NALF1: variants seen among roughly 807,000 people sequenced by gnomAD.
The protein encoded by NALF1 is family with sequence similarity 155 member A.
In NALF1, 3 loss-of-function variants were observed where a neutral mutation model predicts 48.4. The ratio of observed to expected loss-of-function variants is 0.06; its 90% CI spans 0.03 to 0.16. NALF1 has a LOEUF of 0.16. Ranked by LOEUF, NALF1 falls within the 10% of genes least tolerant of loss-of-function variation. The pLI is 1.00. For missense variants in NALF1, 526 were observed against 571.5 expected (o/e 0.92, Z 0.81); for synonymous variants, 262 against 245.7 (o/e 1.07, Z -0.62).
intron 1 of NALF1, among the ~76,000 whole-genome samples, chr13:107,698,886 G>A (rs545109834): frequency 6.6e-6 from 1 of 152,220 alleles, no homozygotes; most frequent in South Asian, 2.1e-4. Context: ...AGTGGTGACA[G>A]ACATCTAGGG....
At chr13:107,791,354 T>C (rs1370991987) in intron 1 of NALF1, among the ~76,000 whole-genome samples, 1 of 152,154 alleles carries the variant, frequency 6.6e-6, no homozygotes, top group Non-Finnish European at 1.5e-5. Context: ...GTCTATCATA[T>C]CTAGCTAGCT....
At chr13:107,492,493 C>T (rs1430453530) in intron 1 of NALF1, among the ~76,000 whole-genome samples, 8 of 152,298 alleles carry the variant, frequency 5.3e-5, no homozygotes, top group Admixed American at 4.6e-4. Flanking sequence ...ATATTCCTTA[C>T]ATTTCTCATT....
chr13:107,775,803 A>G (rs559894068), intron 1 of NALF1, among the ~76,000 whole-genome samples: 123 of 152,108 alleles, frequency 8.1e-4, no homozygotes, highest in African/African-American at 2.8e-3. Flanking sequence ...ACAACAATAT[A>G]GAAAAGTATT....
At chr13:107,331,824 C>T (rs2138924765) in intron 1 of NALF1, among the ~76,000 whole-genome samples, 1 of 151,978 alleles carries the variant, frequency 6.6e-6, no homozygotes, top group Middle Eastern at 3.4e-3. Context: ...AAAAGAGAAT[C>T]AAAATGTTTA....
chr13:107,389,335 G>A (rs1380830706), intron 1 of NALF1, among the ~76,000 whole-genome samples: 1 of 152,152 alleles, frequency 6.6e-6, no homozygotes, highest in Admixed American at 6.5e-5. Flanking sequence ...GGTCTTTACC[G>A]AGGGAATCAA....
chr13:107,240,809 C>T (rs1426144474), intron 1 of NALF1, among the ~76,000 whole-genome samples: 3 of 146,974 alleles, frequency 2.0e-5, no homozygotes, highest in African/African-American at 7.5e-5. Flanking sequence ...GATATTTCAC[C>T]TTTTTTTTTT....
intron 1 of NALF1, among the ~76,000 whole-genome samples, chr13:107,731,520 C>G (rs754933100): frequency 6.6e-6 from 1 of 152,074 alleles, no homozygotes; most frequent in Non-Finnish European, 1.5e-5. Flanking sequence ...TAGTACCCAA[C>G]AGTTATTATT....
intron 1 of NALF1, among the ~76,000 whole-genome samples, chr13:107,271,812 A>ATATATATATT (rs1881178926): frequency 1.7e-5 from 1 of 57,148 alleles, no homozygotes; most frequent in African/African-American, 5.8e-5. Flanking sequence ...ATATATATAT[A>ATATATATATT]TATATTTATA....
intron 1 of NALF1, among the ~76,000 whole-genome samples, chr13:107,827,482 T>C (rs1373906308): frequency 6.6e-6 from 1 of 152,150 alleles, no homozygotes; most frequent in Non-Finnish European, 1.5e-5. Flanking sequence ...ACAGACCCTC[T>C]CCTTGGAGCT....
intron 1 of NALF1, among the ~76,000 whole-genome samples, chr13:107,454,851 G>T (rs1485184052): frequency 6.6e-6 from 1 of 152,118 alleles, no homozygotes; most frequent in African/African-American, 2.4e-5. Flanking sequence ...ATTTAACTGG[G>T]CCCTATAGAC....
chr13:107,865,634 CAG>C (rs1462411629), intron 1 of NALF1, 46 bp downstream of exon 1: 5 of 1,573,368 alleles, frequency 3.2e-6, no homozygotes, highest in Admixed American at 1.9e-5. Flanking sequence ...CCCAACCAAG[CAG>C]AGATAGGAAA....
At position 107,211,196 on chromosome 13, in the gene NALF1, G is replaced by A. The variant is rs559688390; in HGVS notation, c.916-441C>T. Among the ~76,000 whole-genome samples the A allele has an allele frequency of 2.2e-4, 33 of 152,310 alleles. 1 individual carries two copies. Among genetic ancestry groups the A allele is most frequent in the African/African-American group, 7.9e-4 (33 of 41,576 alleles). ...ATGCCTCCATAGGACGCTAGATGGC[G>A]CGAAGCACTTTATAAAGATGGCCCA... On this transcript the variant is annotated intron_variant, in intron 1 of 2. Transcript: ENST00000375915.
At chr13:107,571,962 G>A (rs1032575387) in intron 1 of NALF1, among the ~76,000 whole-genome samples, 77 of 151,986 alleles carry the variant, frequency 5.1e-4, no homozygotes, top group African/African-American at 1.8e-3. Flanking sequence ...AAATCATATT[G>A]AGAAACGTGT....
At chr13:107,433,653 A>G (rs9520442) in intron 1 of NALF1, among the ~76,000 whole-genome samples, 43,673 of 151,998 alleles carry the variant, frequency 0.29, 6,777 homozygotes, top group East Asian at 0.59. Flanking sequence ...TATTCTACAC[A>G]TTAAAAAGTT....
chr13:107,586,614 A>G (rs1878463491), intron 1 of NALF1, among the ~76,000 whole-genome samples: 1 of 109,220 alleles, frequency 9.2e-6, no homozygotes, highest in Non-Finnish European at 2.0e-5. Context: ...TCTTGCCTAC[A>G]TTTAAAGCTC....
intron 1 of NALF1, among the ~76,000 whole-genome samples, chr13:107,401,265 C>T (rs1296234517): frequency 6.6e-6 from 1 of 152,050 alleles, no homozygotes; most frequent in Non-Finnish European, 1.5e-5. Context: ...GCTGTCTCAG[C>T]GATCTGATTG....
chr13:107,230,812 C>T (rs1371513279), intron 1 of NALF1, among the ~76,000 whole-genome samples: 1 of 152,048 alleles, frequency 6.6e-6, no homozygotes, highest in African/African-American at 2.4e-5. Context: ...GTAATCCCAG[C>T]ACGTTGGGAG....
intron 2 of NALF1, among the ~76,000 whole-genome samples, chr13:107,191,467 C>A (rs775108104): frequency 3.4e-4 from 52 of 152,046 alleles, no homozygotes; most frequent in Non-Finnish European, 7.4e-5. Flanking sequence ...AAAAATATAT[C>A]TGAAAGTCTT....
Position 107,391,529 on chromosome 13 carries a change from A to G in NALF1, c.916-180774T>C, listed in dbSNP as rs567510940. On this transcript the variant is annotated intron_variant, in intron 1 of 2. Transcript: ENST00000375915. ...TCCTTCCTTTCTTTCCAGATCCAGA[A>G]GATAATCAACTAAGAGCCAGGCACC... Among the ~76,000 whole-genome samples the G allele has an allele frequency of 4.6e-5, 7 of 152,258 alleles. No individual in the cohort carries two copies. The South Asian group carries it at 1.5e-3, about 32-fold the overall frequency.
Sources: allele counts gnomAD v4.1 joint callset (sites outside exome capture counted in the v4.1 genomes callset), GRCh38; gene constraint gnomAD v4.1.1; transcripts MANE v1.5; gene names NCBI Gene and HGNC (gene_info 2026-07-23, HGNC 2026-07-21).